The following PRORP variants were observed in gnomAD, a reference collection of about 807,000 sequenced individuals.
The protein encoded by PRORP is mitochondrial ribonuclease P catalytic subunit.
PRORP carries 51 observed loss-of-function variants against 59.4 expected under a neutral mutation model. The observed-to-expected ratio is 0.86, with a 90% CI of 0.69 to 1.08. The LOEUF (loss-of-function observed/expected upper bound fraction) is 1.08. Among genes scored for constraint, PRORP ranks in the 50% least tolerant of loss-of-function variants. The pLI is 0.00. For missense variants in PRORP, 646 were observed against 690.3 expected (o/e 0.94, Z 0.72); for synonymous variants, 231 against 245.6 (o/e 0.94, Z 0.55).
intron 5 of PRORP, among the ~76,000 whole-genome samples, chr14:35,258,714 G>A (rs1389788925): frequency 6.6e-6 from 1 of 152,148 alleles, no homozygotes; most frequent in African/African-American, 2.4e-5. Context: ...GGGTACTCAG[G>A]AGGTATTAGT....
intron 4 of PRORP, among the ~76,000 whole-genome samples, chr14:35,136,207 C>T (rs2047368549): frequency 6.6e-6 from 1 of 152,012 alleles, no homozygotes; most frequent in African/African-American, 2.4e-5. Flanking sequence ...GGTTTGGCTG[C>T]AGTGATGGGA....
intron 5 of PRORP, among the ~76,000 whole-genome samples, chr14:35,215,655 G>C (rs974657605): frequency 2.6e-5 from 4 of 152,024 alleles, no homozygotes; most frequent in African/African-American, 9.7e-5. Context: ...TTGTTGGCTT[G>C]GAGGCGGAAG....
rs577065947 is a variant in PRORP at position 35,275,200 on chromosome 14, T to C, written c.*1634T>C. 3 of 152,292 alleles carry C rather than the reference T, an allele frequency of 2.0e-5. No individual in the cohort carries two copies. Among genetic ancestry groups the C allele is most frequent in the African/African-American group, 7.2e-5 (3 of 41,550 alleles). 9.4% of individuals were successfully genotyped at this position (152,292 alleles called of 1,614,324 possible). On this transcript the variant is annotated 3_prime_UTR_variant, in exon 8 of 8. Coordinates refer to ENST00000534898, the MANE Select transcript of PRORP (RefSeq NM_014672.4). ...TCACACTAAACATTTTAAATTGATATATTTACATTTATGACAATATACCTC... is the reference window on the plus strand; with the variant it reads ...TCACACTAAACATTTTAAATTGATACATTTACATTTATGACAATATACCTC...
intron 5 of PRORP, among the ~76,000 whole-genome samples, chr14:35,237,832 T>A (rs1314303890): frequency 6.6e-6 from 1 of 152,102 alleles, no homozygotes; most frequent in African/African-American, 2.4e-5. Context: ...TTTTTTGTAT[T>A]TCTAGTAGAG....
chr14:35,208,046 A>C (rs2049338767), intron 5 of PRORP, among the ~76,000 whole-genome samples: 1 of 151,554 alleles, frequency 6.6e-6, no homozygotes, highest in Non-Finnish European at 1.5e-5. Context: ...GCTACTTGGG[A>C]GGCTGAGGCA....
intron 5 of PRORP, among the ~76,000 whole-genome samples, chr14:35,255,466 C>T (rs1490650983): frequency 6.6e-6 from 1 of 152,014 alleles, no homozygotes; most frequent in Non-Finnish European, 1.5e-5. Flanking sequence ...TTCCAAGTAC[C>T]ACATGCCTAG....
chr14:35,266,501 C>G (rs1422204176), intron 5 of PRORP, among the ~76,000 whole-genome samples: 1 of 134,526 alleles, frequency 7.4e-6, no homozygotes, highest in Non-Finnish European at 1.8e-5. Flanking sequence ...AATAAAGAAA[C>G]CCCCCCCTGC....
chr14:35,201,798 C>A (rs1022104180), intron 5 of PRORP, among the ~76,000 whole-genome samples: 4 of 151,490 alleles, frequency 2.6e-5, no homozygotes, highest in African/African-American at 7.3e-5. Context: ...GCTGGGATTG[C>A]AGGTGTGCAC....
chr14:35,207,588 A>G (rs941970383), intron 5 of PRORP, among the ~76,000 whole-genome samples: 1 of 152,226 alleles, frequency 6.6e-6, no homozygotes, highest in Admixed American at 6.5e-5. Flanking sequence ...TTTCAAAAAT[A>G]TAACAAAGTT....
chr14:35,243,751 C>G (rs759818172), intron 5 of PRORP, among the ~76,000 whole-genome samples: 1 of 152,098 alleles, frequency 6.6e-6, no homozygotes, highest in Admixed American at 6.5e-5. Context: ...CTCAGTTTCC[C>G]CATAAGTAAA....
chr14:35,249,615 T>TTTG (rs953445108), intron 5 of PRORP, among the ~76,000 whole-genome samples: 50 of 152,170 alleles, frequency 3.3e-4, no homozygotes, highest in African/African-American at 1.2e-3. Flanking sequence ...ACCTGGCTTT[T>TTTG]TTGTTGTTGT....
At chr14:35,250,240 A>G (rs1181783853) in intron 5 of PRORP, among the ~76,000 whole-genome samples, 1 of 152,040 alleles carries the variant, frequency 6.6e-6, no homozygotes, top group Non-Finnish European at 1.5e-5. Context: ...TCAAAAAAAA[A>G]AAAGAAAAAA....
chr14:35,263,188 A>G (rs1411641324), intron 5 of PRORP, among the ~76,000 whole-genome samples: 3 of 152,206 alleles, frequency 2.0e-5, no homozygotes, highest in Non-Finnish European at 2.9e-5. Context: ...AGACATTAAC[A>G]ATCTTTGGGT....
intron 5 of PRORP, chr14:35,222,490 A>G (rs1595338569): frequency 6.6e-6 from 1 of 152,192 alleles, no homozygotes; most frequent in Non-Finnish European, 1.5e-5. Flanking sequence ...TGGATCCACT[A>G]CCGGTGCCAG....
intron 5 of PRORP, among the ~76,000 whole-genome samples, chr14:35,246,697 A>G (rs903414588): frequency 3.3e-5 from 5 of 152,184 alleles, no homozygotes; most frequent in Non-Finnish European, 7.3e-5. Flanking sequence ...TTAAGATTAG[A>G]TGCATGTGTT....
chr14:35,172,532 C>G (rs1226431042), intron 4 of PRORP, among the ~76,000 whole-genome samples: 1 of 142,864 alleles, frequency 7.0e-6, no homozygotes, highest in African/African-American at 2.6e-5. Flanking sequence ...CCCTCTCTCT[C>G]CTGTCCTCTC....
At chr14:35,243,658 A>C (rs981784469) in intron 5 of PRORP, among the ~76,000 whole-genome samples, 1 of 152,150 alleles carries the variant, frequency 6.6e-6, no homozygotes. Context: ...TTGTGGTTAG[A>C]ATGTAGGTTT....
chr14:35,153,764 A>G (rs935889988), intron 4 of PRORP, among the ~76,000 whole-genome samples: 1 of 152,352 alleles, frequency 6.6e-6, no homozygotes. Flanking sequence ...GTTATCTGGA[A>G]CATTTTGGTA....
upstream of PRORP, chr14:35,121,931 C>G: frequency 6.2e-7 from 1 of 1,614,168 alleles, no homozygotes; most frequent in Non-Finnish European, 8.5e-7. Flanking sequence ...CGTCGCTAGG[C>G]GCCGACGAAG....
Sources: allele counts gnomAD v4.1 joint callset (sites outside exome capture counted in the v4.1 genomes callset), GRCh38; gene constraint gnomAD v4.1.1; transcripts MANE v1.5; gene names NCBI Gene and HGNC (gene_info 2026-07-23, HGNC 2026-07-21).